The following FTO variants were observed in gnomAD, a reference collection of about 807,000 sequenced individuals.
The protein encoded by FTO is FTO alpha-ketoglutarate dependent dioxygenase.
FTO carries 47 observed loss-of-function variants against 63.9 expected under a neutral mutation model. The ratio of observed to expected loss-of-function variants is 0.74; its 90% CI spans 0.58 to 0.94. The LOEUF is 0.94. Among genes scored for constraint, FTO ranks in the 40% least tolerant of loss-of-function variants. The probability of loss-of-function intolerance (pLI) is 0.00; values close to 1 mark genes in which losing one functional copy is unlikely to be tolerated. For missense variants in FTO, 562 were observed against 618.1 expected (o/e 0.91, Z 0.96); for synonymous variants, 207 against 224.4 (o/e 0.92, Z 0.69).
At chr16:53,965,365 G>T (rs189812042) in intron 8 of FTO, among the ~76,000 whole-genome samples, 1 of 152,092 alleles carries the variant, frequency 6.6e-6, no homozygotes, top group Non-Finnish European at 1.5e-5. Flanking sequence ...TTTATAAAAC[G>T]TCCCATCATG....
At chr16:53,815,388 T>C (rs2078646357) in intron 2 of FTO, among the ~76,000 whole-genome samples, 1 of 152,134 alleles carries the variant, frequency 6.6e-6, no homozygotes, top group Admixed American at 6.5e-5. Flanking sequence ...TTTACCTCTT[T>C]AGAATCTCTC....
chr16:53,755,013 T>C (rs1210212342), intron 1 of FTO, among the ~76,000 whole-genome samples: 1 of 152,204 alleles, frequency 6.6e-6, no homozygotes, highest in Non-Finnish European at 1.5e-5. Flanking sequence ...AGAAGCCACA[T>C]GTTTCCTAGG....
At chr16:53,798,905 G>A (rs1033260859) in intron 1 of FTO, among the ~76,000 whole-genome samples, 7 of 152,080 alleles carry the variant, frequency 4.6e-5, no homozygotes, top group African/African-American at 1.7e-4. Flanking sequence ...TTATTAAGAT[G>A]AAGAAATTCC....
chr16:53,741,266 C>A lies in FTO; in HGVS notation c.45+37037C>A, dbSNP rs550403292. Reference sequence around the variant, plus strand: ...CTTTATAGAAAAAAAATCTGCTGACCCTTGGTCTATACCCTTCAAGACTTT... The same window carrying A: ...CTTTATAGAAAAAAAATCTGCTGACACTTGGTCTATACCCTTCAAGACTTT... On this transcript the variant is annotated intron_variant, in intron 1 of 8. Transcript: ENST00000471389. Among the ~76,000 whole-genome samples the A allele has an allele frequency of 1.4e-4, 21 of 152,254 alleles. 1 individual carries two copies. In the Middle Eastern group the frequency reaches 0.01, roughly 74 times the overall value.
intron 1 of FTO, among the ~76,000 whole-genome samples, chr16:53,755,750 G>T (rs2076909023): frequency 1.3e-5 from 2 of 152,120 alleles, no homozygotes; most frequent in African/African-American, 4.8e-5. Flanking sequence ...AGTCTCTGAG[G>T]TGTTTCTTTA....
chr16:54,021,202 A>G (rs2084590735), intron 8 of FTO, among the ~76,000 whole-genome samples: 3 of 151,862 alleles, frequency 2.0e-5, no homozygotes, highest in Non-Finnish European at 4.4e-5. Flanking sequence ...CTATTCTTCT[A>G]CCATCCTCAT....
Position 54,025,594 on chromosome 16 carries a change from G to A in FTO, c.1365-86168G>A, listed in dbSNP as rs369622153. ...AAAAATTAGCTAGGCTTGGTGACGC[G>A]TGCTTGTAATCTCAGCTACTTGGGA... On this transcript the variant is annotated intron_variant, in intron 8 of 8. Coordinates refer to ENST00000471389, the MANE Select transcript of FTO (RefSeq NM_001080432.3). Among the ~76,000 whole-genome samples the A allele has an allele frequency of 7.5e-4, 114 of 152,116 alleles. 1 individual carries two copies. In the South Asian group the frequency reaches 0.01, roughly 14 times the overall value.
intron 8 of FTO, among the ~76,000 whole-genome samples, chr16:54,059,606 C>T (rs577621395): frequency 6.6e-6 from 1 of 152,260 alleles, no homozygotes; most frequent in African/African-American, 2.4e-5. Context: ...AAGCGCTGCT[C>T]CAGTGGGGCC....
At chr16:53,960,148 G>C (rs976019331) in intron 8 of FTO, among the ~76,000 whole-genome samples, 1 of 152,084 alleles carries the variant, frequency 6.6e-6, no homozygotes, top group Non-Finnish European at 1.5e-5. Flanking sequence ...GATGCAATGG[G>C]GTCATCTCTT....
chr16:53,789,372 C>T (rs1425997140), intron 1 of FTO, among the ~76,000 whole-genome samples: 1 of 152,220 alleles, frequency 6.6e-6, no homozygotes, highest in African/African-American at 2.4e-5. Flanking sequence ...GTGGTTTAGA[C>T]TTAATGTGAG....
Position 54,118,480 on chromosome 16 carries a change from CTCCTAAGTAGTCGGGA to C in FTO, c.*6568_*6583del, listed in dbSNP as rs1449197480. The C allele has an allele frequency of 7.9e-5, 12 of 152,190 alleles. No individual in the cohort carries two copies. Among genetic ancestry groups the C allele is most frequent in the African/African-American group, 2.7e-4 (11 of 41,508 alleles). 9.4% of individuals were successfully genotyped at this position (152,190 alleles called of 1,614,324 possible). On this transcript the variant is annotated 3_prime_UTR_variant, in exon 9 of 9. Coordinates refer to ENST00000471389, the MANE Select transcript of FTO (RefSeq NM_001080432.3). Reference sequence around the variant, plus strand: ...GCTCAAGCGATTCTCCTGCCTCAGCCTCCTAAGTAGTCGGGATCATAGGCACTTGCCACCACATCCG... The same window carrying C: ...GCTCAAGCGATTCTCCTGCCTCAGCCTCATAGGCACTTGCCACCACATCCG...
chr16:54,105,597 G>A (rs1410519631), intron 8 of FTO, among the ~76,000 whole-genome samples: 2 of 152,162 alleles, frequency 1.3e-5, no homozygotes, highest in African/African-American at 2.4e-5. Context: ...AAAGTAAGAA[G>A]CAGTGCTGTG....
intron 8 of FTO, among the ~76,000 whole-genome samples, chr16:54,103,329 G>C (rs74476379): frequency 6.6e-6 from 1 of 152,134 alleles, no homozygotes; most frequent in Non-Finnish European, 1.5e-5. Context: ...AGGCCCAAAA[G>C]TAGATGTATA....
intron 1 of FTO, among the ~76,000 whole-genome samples, chr16:53,750,464 C>T (rs1016619144): frequency 1.3e-5 from 2 of 152,108 alleles, no homozygotes; most frequent in African/African-American, 4.8e-5. Flanking sequence ...TTCTCAAACT[C>T]CTGACCTCAG....
At chr16:53,915,313 A>G (rs2081836667) in intron 7 of FTO, among the ~76,000 whole-genome samples, 1 of 152,212 alleles carries the variant, frequency 6.6e-6, no homozygotes. Context: ...ACTATAGTGA[A>G]CCATGAAATC....
chr16:53,946,952 C>T (rs771566279), intron 8 of FTO, among the ~76,000 whole-genome samples: 2 of 152,176 alleles, frequency 1.3e-5, no homozygotes, highest in Non-Finnish European at 2.9e-5. Flanking sequence ...TTGGTGCTAC[C>T]CTCCCAGTGT....
intron 2 of FTO, among the ~76,000 whole-genome samples, chr16:53,820,719 A>C (rs1264819191): frequency 2.0e-5 from 3 of 150,630 alleles, no homozygotes; most frequent in Non-Finnish European, 4.4e-5. Flanking sequence ...ATGAGTGAGA[A>C]TATGCGGTGT....
chr16:53,911,695 A>G (rs539077587), intron 7 of FTO, among the ~76,000 whole-genome samples: 1 of 152,376 alleles, frequency 6.6e-6, no homozygotes, highest in South Asian at 2.1e-4. Context: ...GCCTGTAAAC[A>G]TTCAGTTGCC....
chr16:54,101,242 A>G (rs111650582), intron 8 of FTO, among the ~76,000 whole-genome samples: 4 of 152,216 alleles, frequency 2.6e-5, no homozygotes, highest in African/African-American at 7.2e-5. Flanking sequence ...TATTAAGCCC[A>G]GTACCCAATA....
Sources: gnomAD v4.1 joint callset for allele counts (sites outside exome capture counted in the v4.1 genomes callset) on GRCh38, gnomAD v4.1.1 for gene constraint, MANE v1.5 for transcripts, NCBI Gene and HGNC (gene_info 2026-07-23, HGNC 2026-07-21) for gene names.